The following CCSAP variants were observed in gnomAD, a reference collection of about 807,000 sequenced individuals.
The protein encoded by CCSAP is centriole, cilia and spindle-associated protein.
In CCSAP, 17 loss-of-function variants were observed where a neutral mutation model predicts 25.9. That is an observed-to-expected ratio of 0.66 (90% CI 0.45 to 0.99). CCSAP has a LOEUF of 0.99. Ranked by LOEUF, CCSAP falls within the 50% of genes least tolerant of loss-of-function variation. The pLI is 0.00. For missense variants in CCSAP, 339 were observed against 367.8 expected, an observed-to-expected ratio of 0.92 and a Z score of 0.64; for synonymous variants, 169 against 157.1, an observed-to-expected ratio of 1.08 and a Z score of -0.57.
chr1:229,325,151 T>C lies in CCSAP; in HGVS notation c.*84A>G. On this transcript the variant is annotated 3_prime_UTR_variant, in exon 4 of 4. Coordinates refer to ENST00000284617, the MANE Select transcript of CCSAP (RefSeq NM_145257.5). ...AATCAGTTGGTTTCTTAAACCTGTG[T>C]CCGTTTCTTTTGATGGTTTTTGTTT... 1 of 1,350,844 alleles carries C rather than the reference T, an allele frequency of 7.4e-7. No homozygotes were observed. The highest frequency in any genetic ancestry group is 1.0e-6 in the Non-Finnish European group (1 of 994,710). The allele number at this position is 1,350,844 out of a possible 1,614,324, so 83.7% of individuals were successfully genotyped here.
At position 229,321,684 on chromosome 1, in the gene CCSAP, T is replaced by C. The variant is rs1476487510; in HGVS notation, c.*3551A>G. 1 of 152,236 alleles carries C rather than the reference T, an allele frequency of 6.6e-6. No homozygotes were observed. Among genetic ancestry groups the C allele is most frequent in the Non-Finnish European group, 1.5e-5 (1 of 68,040 alleles). 9.4% of individuals were successfully genotyped at this position (152,236 alleles called of 1,614,324 possible). On this transcript the variant is annotated 3_prime_UTR_variant, in exon 4 of 4. Transcript: ENST00000284617. ...TAAAACTATCCATCAAACTGTTTTTTACCAAAGCAGTCAACAAGAAAAATT... is the reference window on the plus strand; with the variant it reads ...TAAAACTATCCATCAAACTGTTTTTCACCAAAGCAGTCAACAAGAAAAATT...
In CCSAP at chr1:229,328,012, A is replaced by C. The variant is rs374709052; in HGVS notation, c.368-1006T>G. 3.3e-5 allele frequency among the ~76,000 whole-genome samples: 5 copies of C among 152,176 alleles called. No individual in the cohort carries two copies. In the South Asian group the frequency reaches 1.0e-3, roughly 32 times the overall value. ...CCCCGGTGGTGAATGTGGCTGCCCC[A>C]CCTAAGGGGAACCTCAGATAGCAAG... On this transcript the variant is annotated intron_variant, in intron 2 of 3. Coordinates refer to ENST00000284617, the MANE Select transcript of CCSAP (RefSeq NM_145257.5).
Position 229,326,948 on chromosome 1 carries a change from A to G in CCSAP, c.426T>C (p.Thr142=), listed in dbSNP as rs1488537029. The change falls in exon 3 of 4, where the codon ACT becomes ACC. Residue 142 remains threonine (T), a synonymous_variant. Coordinates refer to ENST00000284617, the MANE Select transcript of CCSAP (RefSeq NM_145257.5). Reference sequence around the variant, plus strand: ...GCTCAGTACTGGTGGGTGATTTGTCAGTCTCTCTTGTTCTGGTTTGTTGTT... The same window carrying G: ...GCTCAGTACTGGTGGGTGATTTGTCGGTCTCTCTTGTTCTGGTTTGTTGTT... The part of the protein sequence containing the change: ...KPEQQTRTRE[T]DKSPTSTEPR... 1 of 1,614,196 alleles carries G rather than the reference A, an allele frequency of 6.2e-7. No individual in the cohort carries two copies. Among genetic ancestry groups the G allele is most frequent in the South Asian group, 1.1e-5 (1 of 91,078 alleles).
In CCSAP at chr1:229,324,199, T is replaced by G. The variant is rs1359025224; in HGVS notation, c.*1036A>C. The G allele has an allele frequency of 1.3e-5, 2 of 152,586 alleles. No individual in the cohort carries two copies. Among genetic ancestry groups the G allele is most frequent in the African/African-American group, 4.8e-5 (2 of 41,438 alleles). 9.5% of individuals were successfully genotyped at this position (152,586 alleles called of 1,614,324 possible). A position where few individuals can be genotyped will look rare whatever the true frequency, so the allele number is the denominator to read the frequency against. ...GTACATCATCAAGACTTTGTTATTGTTAAGTGCTATAAAGAAAAAGAGAAA... is the reference window on the plus strand; with the variant it reads ...GTACATCATCAAGACTTTGTTATTGGTAAGTGCTATAAAGAAAAAGAGAAA... On this transcript the variant is annotated 3_prime_UTR_variant, in exon 4 of 4. Transcript: ENST00000284617.
chr1:229,342,442 C>A lies in CCSAP; in HGVS notation c.24G>T (p.Lys8Asn). 2 of 1,389,570 alleles carry A rather than the reference C, an allele frequency of 1.4e-6. No homozygotes were observed. The highest frequency in any genetic ancestry group is 1.8e-5 in the South Asian group (1 of 55,368). The allele number at this position is 1,389,570 out of a possible 1,614,324, so 86.1% of individuals were successfully genotyped here. A position where few individuals can be genotyped will look rare whatever the true frequency, so the allele number is the denominator to read the frequency against. The change falls in exon 2 of 4, where the codon AAG (lysine) becomes AAT (asparagine). Residue 8 changes from lysine (K) to asparagine (N), a missense_variant. Physicochemically the swap from Lys to Asn is moderately conservative, Grantham distance 94. Transcript: ENST00000284617. The surrounding 1 kb of genome is among the most constrained non-coding windows in gnomAD (Gnocchi z 7.5). ...CCTGGTAGCGCTTCATGTACTCGCT[C>A]TTCACCCCGCTCCCCGGGGACATGG... MSPGSGV[K>N]SEYMKRYQEP...
chr1:229,338,816 T>C (rs1658262422), intron 2 of CCSAP, among the ~76,000 whole-genome samples: 1 of 151,790 alleles, frequency 6.6e-6, no homozygotes, highest in Non-Finnish European at 1.5e-5. Flanking sequence ...AACCAGATAC[T>C]GTGTTGTAAA....
Position 229,325,120 on chromosome 1 carries a change from T to G in CCSAP, c.*115A>C, listed in dbSNP as rs1269048029. Reference sequence around the variant, plus strand: ...TTTTACAAATTCCCTAAAAAAAACCTTGCATAATCAGTTGGTTTCTTAAAC... The same window carrying G: ...TTTTACAAATTCCCTAAAAAAAACCGTGCATAATCAGTTGGTTTCTTAAAC... On this transcript the variant is annotated 3_prime_UTR_variant, in exon 4 of 4. Transcript: ENST00000284617. 9.5e-7 allele frequency: 1 copy of G among 1,050,756 alleles called. No individual in the cohort carries two copies. Among genetic ancestry groups the G allele is most frequent in the East Asian group, 2.5e-5 (1 of 40,020 alleles). 65.1% of individuals were successfully genotyped at this position (1,050,756 alleles called of 1,614,324 possible). A position where few individuals can be genotyped will look rare whatever the true frequency, so the allele number is the denominator to read the frequency against.
At chr1:229,327,634 C>A (rs1001947606) in intron 2 of CCSAP, 17 of 454,292 alleles carry the variant, frequency 3.7e-5, no homozygotes, top group Non-Finnish European at 7.1e-5. Context: ...CTTTGGGAGG[C>A]CGAGGCGAGC....
intron 2 of CCSAP, among the ~76,000 whole-genome samples, chr1:229,339,562 G>A (rs559811695): frequency 1.2e-3 from 187 of 152,168 alleles, no homozygotes; most frequent in Admixed American, 2.3e-3. Flanking sequence ...AAAGGCACAC[G>A]ACAGAGACTC....
rs71561730 is a variant in CCSAP at position 229,341,193 on chromosome 1, C to CAAA, written c.367+903_367+905dup. Among the ~76,000 whole-genome samples, 174 of 91,098 alleles carry CAAA rather than the reference C, an allele frequency of 1.9e-3. 1 individual carries two copies. The highest frequency in any genetic ancestry group is 6.0e-3 in the Middle Eastern group (1 of 166). The allele number at this position is 91,098 out of a possible 152,430, so 59.8% of individuals were successfully genotyped here. On this transcript the variant is annotated intron_variant, in intron 2 of 3. Transcript: ENST00000284617. ...TGGGCCACAGAGCGAGACTCCGTCT[C>CAAA]AAAAAAAAAAAAAAAAAAAGATTAC...
At position 229,342,553 on chromosome 1, in the gene CCSAP, C is replaced by T. The variant is rs1489031937; in HGVS notation, c.-48-40G>A. 1.8e-5 allele frequency: 16 copies of T among 910,132 alleles called. No homozygotes were observed. Among genetic ancestry groups the T allele is most frequent in the Non-Finnish European group, 2.3e-5 (16 of 692,440 alleles). The allele number at this position is 910,132 out of a possible 1,614,324, so 56.4% of individuals were successfully genotyped here. ...ACACGACACAGAGGCCGCCCCGCCC[C>T]TCCGCCGGCCCTGCCCGCCGCGACG... On this transcript the variant is annotated intron_variant, in intron 1 of 3. Transcript: ENST00000284617. The surrounding 1 kb of genome is among the most constrained non-coding windows in gnomAD (Gnocchi z 7.5).
At chr1:229,327,496 G>A (rs1039118547) in intron 2 of CCSAP, 8 of 455,756 alleles carry the variant, frequency 1.8e-5, no homozygotes, top group African/African-American at 1.6e-4. Context: ...TCATTCAAAA[G>A]CCCCTCCGCA....
intron 2 of CCSAP, among the ~76,000 whole-genome samples, chr1:229,336,608 C>T (rs572426550): frequency 9.2e-5 from 14 of 152,048 alleles, no homozygotes; most frequent in Non-Finnish European, 1.8e-4. Flanking sequence ...AACAGGCATC[C>T]CCCGTGCACA....
rs1004795643 is a variant in CCSAP, at chr1:229,324,766, T to C, written c.*469A>G. The C allele has an allele frequency of 2.6e-5, 4 of 152,898 alleles. No individual in the cohort carries two copies. Among genetic ancestry groups the C allele is most frequent in the Admixed American group, 6.5e-5 (1 of 15,340 alleles). 9.5% of individuals were successfully genotyped at this position (152,898 alleles called of 1,614,324 possible). On this transcript the variant is annotated 3_prime_UTR_variant, in exon 4 of 4. Transcript: ENST00000284617. ...CACTCATTTTTGACTTGATATTCTT[T>C]CACAAACAAAACGGCATATAAGGAA... is the stretch of plus-strand genomic sequence containing the variant.
At chr1:229,328,934 A>C (rs527500843) in intron 2 of CCSAP, among the ~76,000 whole-genome samples, 1 of 152,356 alleles carries the variant, frequency 6.6e-6, no homozygotes, top group East Asian at 1.9e-4. Flanking sequence ...CTTTAAACCC[A>C]GCACTGGAGT....
intron 2 of CCSAP, among the ~76,000 whole-genome samples, chr1:229,333,257 C>T (rs1285651145): frequency 2.8e-4 from 42 of 151,286 alleles, no homozygotes; most frequent in African/African-American, 8.9e-4. Context: ...ACGGTGAAAC[C>T]CCGTCTCTAC....
rs1390733740 is a variant in CCSAP, at chr1:229,324,262, C to G, written c.*973G>C. ...AGTCTATCTAACAGGCATCTTCACA[C>G]TGGTCCCCATCCCAGTGGAACAAGC... On this transcript the variant is annotated 3_prime_UTR_variant, in exon 4 of 4. Transcript: ENST00000284617. The G allele has an allele frequency of 6.6e-6, 1 of 152,430 alleles. No homozygotes were observed. The highest frequency in any genetic ancestry group is 2.4e-5 in the African/African-American group (1 of 41,426). 9.4% of individuals were successfully genotyped at this position (152,430 alleles called of 1,614,324 possible).
At chr1:229,333,314 T>G (rs894927376) in intron 2 of CCSAP, among the ~76,000 whole-genome samples, 3 of 150,424 alleles carry the variant, frequency 2.0e-5, no homozygotes, top group African/African-American at 7.4e-5. Flanking sequence ...GTGCCTGTAG[T>G]CCCAGCTACT....
At chr1:229,326,430 C>T (rs931521253) in intron 3 of CCSAP, among the ~76,000 whole-genome samples, 1 of 152,050 alleles carries the variant, frequency 6.6e-6, no homozygotes, top group Non-Finnish European at 1.5e-5. Flanking sequence ...CTCCTCCTAA[C>T]CTTCCGGCCC....
Sources: gnomAD v4.1 joint callset for allele counts (sites outside exome capture counted in the v4.1 genomes callset) on GRCh38, gnomAD v4.1.1 for gene constraint, Gnocchi (gnomAD v3.1) non-coding constraint, MANE v1.5 for transcripts, NCBI Gene and HGNC (gene_info 2026-07-23, HGNC 2026-07-21) for gene names.